Variants in TRIM9 observed in about 807,000 individuals in gnomAD.
TRIM9 encodes tripartite motif containing 9.
A neutral mutation model predicts 78.3 loss-of-function variants in TRIM9; 26 were observed. The observed-to-expected ratio is 0.33, with a 90% confidence interval of 0.24 to 0.46. TRIM9 has a LOEUF of 0.46. Ranked by LOEUF, TRIM9 falls within the 20% of genes least tolerant of loss-of-function variation. The pLI, the probability that TRIM9 is intolerant of heterozygous loss-of-function variation, is 1.00. For missense variants in TRIM9, 787 were observed against 1,036.4 expected (o/e 0.76, Z 3.30); for synonymous variants, 398 against 416.5 (o/e 0.96, Z 0.54).
chr14:50,986,969 T>A (rs1566547059), intron 7 of TRIM9, among the ~76,000 whole-genome samples: 1 of 152,146 alleles, frequency 6.6e-6, no homozygotes, highest in Non-Finnish European at 1.5e-5. Context: ...AGGGCATGAG[T>A]TAGTTTCTCT....
At chr14:51,054,508 T>C (rs561083343) in intron 1 of TRIM9, among the ~76,000 whole-genome samples, 1 of 152,024 alleles carries the variant, frequency 6.6e-6, no homozygotes, top group Admixed American at 6.5e-5. Flanking sequence ...ACTCCTGGGC[T>C]CAAGCAATCC....
chr14:51,051,997 C>T (rs142195733), intron 1 of TRIM9, among the ~76,000 whole-genome samples: 12 of 111,788 alleles, frequency 1.1e-4, no homozygotes, highest in Non-Finnish European at 1.5e-4. Context: ...GGGAAGGGAA[C>T]GGAAAGGAAA....
intron 1 of TRIM9, among the ~76,000 whole-genome samples, chr14:51,039,310 G>A (rs142877288): frequency 2.0e-5 from 3 of 152,332 alleles, no homozygotes; most frequent in African/African-American, 7.2e-5. Context: ...CTATGTGATA[G>A]CATATGTCCA....
chr14:51,051,632 C>T lies in TRIM9; in HGVS notation c.823-26272G>A, dbSNP rs149165945. On this transcript the variant is annotated intron_variant, in intron 1 of 12. Transcript: ENST00000684578. ...TTAGCTATTAATAAATCACCCTAAA[C>T]TGAGATTGATAGTGAGCTATACCAT... 1.6e-4 allele frequency among the ~76,000 whole-genome samples: 24 copies of T among 152,190 alleles called. No homozygotes were observed. The East Asian group carries it at 4.6e-3, about 29-fold the overall frequency.
intron 1 of TRIM9, among the ~76,000 whole-genome samples, chr14:51,065,571 A>G (rs764789100): frequency 5.9e-5 from 9 of 152,192 alleles, no homozygotes; most frequent in Non-Finnish European, 1.2e-4. Flanking sequence ...AAGGACACAC[A>G]TTTTTGCCCT....
intron 1 of TRIM9, among the ~76,000 whole-genome samples, chr14:51,052,077 GAGAAA>G (rs1195284713): frequency 1.3e-5 from 2 of 151,712 alleles, no homozygotes; most frequent in Admixed American, 1.3e-4. Context: ...GAAGAGAAGA[GAGAAA>G]AGAAAAGAAA....
chr14:51,037,220 T>C (rs2059226992), intron 1 of TRIM9, among the ~76,000 whole-genome samples: 1 of 152,180 alleles, frequency 6.6e-6, no homozygotes, highest in Non-Finnish European at 1.5e-5. Context: ...AATAGGAAAT[T>C]AAATGTATAA....
At chr14:51,036,867 A>G (rs2059199468) in intron 1 of TRIM9, among the ~76,000 whole-genome samples, 1 of 152,208 alleles carries the variant, frequency 6.6e-6, no homozygotes, top group African/African-American at 2.4e-5. Flanking sequence ...GGCTATCTAC[A>G]TCTATTGTGT....
At chr14:50,982,575 G>T in intron 10 of TRIM9, 1 of 325,008 alleles carries the variant, frequency 3.1e-6, no homozygotes, top group Non-Finnish European at 5.7e-6. Context: ...ACATCTAGTC[G>T]CTTTGAAGTC....
At chr14:51,081,909 A>T (rs1277956697) in intron 1 of TRIM9, among the ~76,000 whole-genome samples, 1 of 152,192 alleles carries the variant, frequency 6.6e-6, no homozygotes, top group Non-Finnish European at 1.5e-5. Context: ...CTAACCTGGA[A>T]ACTTTCCAAA....
At chr14:51,084,102 T>C (rs947873289) in intron 1 of TRIM9, among the ~76,000 whole-genome samples, 2 of 152,212 alleles carry the variant, frequency 1.3e-5, no homozygotes, top group African/African-American at 4.8e-5. Flanking sequence ...GATTTGACAA[T>C]ACCAACAGTT....
At chr14:51,087,742 G>C (rs146328037) in intron 1 of TRIM9, among the ~76,000 whole-genome samples, 1 of 152,288 alleles carries the variant, frequency 6.6e-6, no homozygotes, top group East Asian at 1.9e-4. Context: ...GTTATGCTAT[G>C]TTGTCCCCAG....
At chr14:51,089,107 T>C (rs1196740637) in intron 1 of TRIM9, 2 of 152,226 alleles carry the variant, frequency 1.3e-5, no homozygotes, top group Non-Finnish European at 2.9e-5. Flanking sequence ...TGACTGATGC[T>C]GAGAGTGAAC....
At chr14:51,089,955 A>G (rs2064152512) in intron 1 of TRIM9, 1 of 152,206 alleles carries the variant, frequency 6.6e-6, no homozygotes, top group Non-Finnish European at 1.5e-5. Context: ...TCCTTTCACA[A>G]TTGTAATTTT....
At chr14:51,009,743 A>G (rs1407954773) in intron 4 of TRIM9, among the ~76,000 whole-genome samples, 1 of 152,166 alleles carries the variant, frequency 6.6e-6, no homozygotes, top group Non-Finnish European at 1.5e-5. Context: ...AAGCTCTTTC[A>G]TTTCTTATAT....
At chr14:51,028,406 G>A (rs887530277) in intron 1 of TRIM9, among the ~76,000 whole-genome samples, 5 of 152,186 alleles carry the variant, frequency 3.3e-5, no homozygotes, top group African/African-American at 1.2e-4. Flanking sequence ...TTATAGGTTG[G>A]TATTTTAATC....
chr14:51,066,051 T>C, intron 1 of TRIM9, among the ~76,000 whole-genome samples: 1 of 121,808 alleles, frequency 8.2e-6, no homozygotes, highest in Non-Finnish European at 1.7e-5. Flanking sequence ...GCATCTCTTT[T>C]AGAAGGAAGG....
intron 1 of TRIM9, among the ~76,000 whole-genome samples, chr14:51,081,878 C>T (rs1190157796): frequency 6.6e-6 from 1 of 152,188 alleles, no homozygotes; most frequent in Non-Finnish European, 1.5e-5. Flanking sequence ...GTGCCACTCT[C>T]CCAGCACCTC....
chr14:51,002,174 T>G (rs1455153041), intron 5 of TRIM9, among the ~76,000 whole-genome samples: 1 of 152,132 alleles, frequency 6.6e-6, no homozygotes, highest in African/African-American at 2.4e-5. Context: ...CAGGCTGGAG[T>G]GCAGTGGCAC....
Sources: gnomAD v4.1 joint callset for allele counts (sites outside exome capture counted in the v4.1 genomes callset) on GRCh38, gnomAD v4.1.1 for gene constraint, MANE v1.5 for transcripts, NCBI Gene and HGNC (gene_info 2026-07-23, HGNC 2026-07-21) for gene names.